The following NPHP4 variants were observed in gnomAD, a reference collection of about 807,000 sequenced individuals.
The protein encoded by NPHP4 is nephrocystin 4, also known as nephrocystin-4.
Under a neutral mutation model 155.8 loss-of-function variants are expected in NPHP4, and 151 were observed. That is an observed-to-expected ratio of 0.97 (90% CI 0.85 to 1.11). The LOEUF is 1.11. NPHP4 is among the 50% of genes least tolerant of loss of function. NPHP4 has a pLI of 0.00. For missense variants in NPHP4, 1,956 were observed against 1,925.7 expected, an observed-to-expected ratio of 1.02 and a Z score of -0.29; for synonymous variants, 845 against 816.8, an observed-to-expected ratio of 1.03 and a Z score of -0.59.
intron 5 of NPHP4, among the ~76,000 whole-genome samples, chr1:5,963,193 G>A (rs1244477717): frequency 6.6e-6 from 1 of 152,240 alleles, no homozygotes; most frequent in Non-Finnish European, 1.5e-5. Context: ...CCAGGAGTTT[G>A]AGACCAGCCT....
intron 11 of NPHP4, among the ~76,000 whole-genome samples, chr1:5,909,554 G>A (rs1645076151): frequency 6.6e-6 from 1 of 152,164 alleles, no homozygotes; most frequent in Non-Finnish European, 1.5e-5. Context: ...TCCCTGCCCG[G>A]AAGAGCTGGG....
chr1:5,966,504 A>T (rs1343478662), intron 5 of NPHP4, among the ~76,000 whole-genome samples: 1 of 152,100 alleles, frequency 6.6e-6, no homozygotes, highest in Non-Finnish European at 1.5e-5. Context: ...TGCCTCAGCC[A>T]CCAAAGTGCT....
At chr1:5,868,158 G>A (rs763346808) in intron 23 of NPHP4, 11 of 586,502 alleles carry the variant, frequency 1.9e-5, no homozygotes, top group Non-Finnish European at 3.5e-5. Context: ...TATTCCTCGC[G>A]AGTACAGCAC....
At chr1:5,878,516 A>T (rs943108939) in intron 19 of NPHP4, among the ~76,000 whole-genome samples, 2 of 152,220 alleles carry the variant, frequency 1.3e-5, no homozygotes, top group Non-Finnish European at 2.9e-5. Flanking sequence ...ACCAGAAAGA[A>T]AGTTACAGAG....
chr1:5,869,243 A>ATG lies in NPHP4; in HGVS notation c.3316-1348_3316-1347insCA, dbSNP rs1553154613. Among the ~76,000 whole-genome samples, 805 of 137,798 alleles carry ATG rather than the reference A, an allele frequency of 5.8e-3. 10 individuals are homozygous for ATG. The highest frequency in any genetic ancestry group is 0.019 in the African/African-American group (741 of 39,834). 90.4% of individuals were successfully genotyped at this position (137,798 alleles called of 152,430 possible). A position where few individuals can be genotyped will look rare whatever the true frequency, so the allele number is the denominator to read the frequency against. ...CACATCCACCCACATGCACACACAC[A>ATG]CACACACACATGCACACCCACATGC... is the stretch of plus-strand genomic sequence containing the variant. On this transcript the variant is annotated intron_variant, in intron 23 of 29. Transcript: ENST00000378156.
At chr1:5,912,979 C>T (rs1395197188) in intron 11 of NPHP4, among the ~76,000 whole-genome samples, 8 of 152,090 alleles carry the variant, frequency 5.3e-5, no homozygotes, top group African/African-American at 1.4e-4. Flanking sequence ...GGTGAAGCCC[C>T]GTCTCTACTA....
At chr1:5,977,340 G>A (rs887603764) in intron 3 of NPHP4, among the ~76,000 whole-genome samples, 1 of 152,058 alleles carries the variant, frequency 6.6e-6, no homozygotes, top group Admixed American at 6.6e-5. Flanking sequence ...TCTGCTTGAA[G>A]CAGCCTCGTC....
chr1:5,962,385 CCACT>C (rs1388143307), intron 5 of NPHP4, among the ~76,000 whole-genome samples: 2 of 152,048 alleles, frequency 1.3e-5, no homozygotes, highest in South Asian at 2.1e-4. Flanking sequence ...TCTCTCCCAC[CCACT>C]AATTCCCTCA....
intron 22 of NPHP4, 146 bp from the exon 23 acceptor site, chr1:5,873,481 G>T: frequency 1.5e-6 from 1 of 676,358 alleles, no homozygotes. Context: ...TCACCAACCG[G>T]CCTCACTGTG....
At position 5,986,157 on chromosome 1, in the gene NPHP4, G is replaced by A. The variant is rs370210428; in HGVS notation, c.133C>T (p.Gln45Ter). ...LKWLDGPVIR[Q>*]GVLEVLSEVE... ...TTGCTAACAGCACATTTTGTTACCT[G>A]CCTAATTACCGGTCCGTCCAGCCAC... Residue 45 changes from glutamine (Q) to a stop codon, truncating the protein, a stop_gained and splice_region_variant, in exon 2 of 30, where the codon CAG becomes TAG. Coordinates refer to ENST00000378156, the MANE Select transcript of NPHP4 (RefSeq NM_015102.5). LOFTEE classifies it high-confidence loss of function. 8.9e-5 allele frequency: 144 copies of A among 1,613,652 alleles called. No individual in the cohort carries two copies. The highest frequency in any genetic ancestry group is 1.2e-4 in the Non-Finnish European group (141 of 1,179,834).
intron 11 of NPHP4, among the ~76,000 whole-genome samples, chr1:5,922,814 T>C (rs1645810271): frequency 6.6e-6 from 1 of 150,626 alleles, no homozygotes; most frequent in African/African-American, 2.5e-5. Flanking sequence ...CAGTCCTGGC[T>C]TAGCCGGGCA....
At chr1:5,977,045 A>G (rs538101552) in intron 3 of NPHP4, among the ~76,000 whole-genome samples, 1 of 152,082 alleles carries the variant, frequency 6.6e-6, no homozygotes, top group Non-Finnish European at 1.5e-5. Flanking sequence ...AAGACAGCTG[A>G]GACCCTCTCA....
chr1:5,866,269 T>G (rs2100431835), intron 26 of NPHP4, 104 bp downstream of exon 26: 1 of 798,130 alleles, frequency 1.3e-6, no homozygotes, highest in Non-Finnish European at 2.2e-6. Flanking sequence ...GCTCCCCCAA[T>G]TTTAGGAAGG....
chr1:5,899,461 G>C (rs1644563497), intron 16 of NPHP4, among the ~76,000 whole-genome samples: 1 of 152,256 alleles, frequency 6.6e-6, no homozygotes, highest in Non-Finnish European at 1.5e-5. Context: ...CTGATGTACA[G>C]TGGCAGAATT....
rs769212832 is a variant in NPHP4, at chr1:5,867,059, G to T, written c.3529C>A (p.Pro1177Thr). The part of the protein sequence containing the change: ...DPPVHVRCSD[P>T]NVICETQNVG... ...TTCTGGGTCTCACAGATGACGTTCGGGTCGCTGCAGCGAACATGGACTGGG... is the reference window on the plus strand; with the variant it reads ...TTCTGGGTCTCACAGATGACGTTCGTGTCGCTGCAGCGAACATGGACTGGG... Residue 1177 changes from proline (P) to threonine (T), a missense_variant, in exon 25 of 30, where the codon CCG becomes ACG. Coordinates refer to ENST00000378156, the MANE Select transcript of NPHP4 (RefSeq NM_015102.5). This position sits in a 1 kb window ranked among gnomAD's most constrained non-coding sequence, Gnocchi z 4.1. The T allele has an allele frequency of 6.2e-7, 1 of 1,613,116 alleles. No homozygotes were observed. The highest frequency in any genetic ancestry group is 1.1e-5 in the South Asian group (1 of 90,780).
Position 5,969,166 on chromosome 1 carries a change from T to C in NPHP4, c.373A>G (p.Thr125Ala). 6.4e-7 allele frequency: 1 copy of C among 1,560,584 alleles called. No homozygotes were observed. Among genetic ancestry groups the C allele is most frequent in the Non-Finnish European group, 8.7e-7 (1 of 1,151,738 alleles). The change falls in exon 4 of 30, where the codon ACA becomes GCA. Residue 125 changes from threonine to alanine, a missense_variant. Physicochemically the swap from Thr to Ala is moderately conservative, Grantham distance 58. Transcript: ENST00000378156. ...AGAATTCCAAACCCACAGGACAATG[T>C]CTGGAGGCTCCCATCCCGTTTCTTG... ...EGKKRDGSLQ[T>A]LSCGFGILRI...
chr1:5,980,666 G>T (rs1044390888), intron 2 of NPHP4, among the ~76,000 whole-genome samples: 1 of 152,104 alleles, frequency 6.6e-6, no homozygotes, highest in Non-Finnish European at 1.5e-5. Context: ...AGGAGTGGCT[G>T]CGTGGTCATG....
chr1:5,951,930 C>T (rs1323617681), intron 7 of NPHP4, among the ~76,000 whole-genome samples: 1 of 152,188 alleles, frequency 6.6e-6, no homozygotes. Flanking sequence ...GCGCATGCTG[C>T]GTACTAGGCA....
In NPHP4 at chr1:5,867,176, C is replaced by T; in HGVS notation, c.3473-61G>A. 8 of 1,288,728 alleles carry T rather than the reference C, an allele frequency of 6.2e-6. No individual in the cohort carries two copies. Among genetic ancestry groups the T allele is most frequent in the East Asian group, 2.5e-5 (1 of 40,316 alleles). 79.8% of individuals were successfully genotyped at this position (1,288,728 alleles called of 1,614,324 possible). A position where few individuals can be genotyped will look rare whatever the true frequency, so the allele number is the denominator to read the frequency against. On this transcript the variant is annotated intron_variant, in intron 24 of 29. Coordinates refer to ENST00000378156, the MANE Select transcript of NPHP4 (RefSeq NM_015102.5). This position sits in a 1 kb window ranked among gnomAD's most constrained non-coding sequence, Gnocchi z 4.1. The stretch of plus-strand genomic sequence containing the variant: ...ACAGCCCCAGCCTGTGTGGAGAAGG[C>T]CCCACACATTACACACTATAGGACA...
Sources: allele counts gnomAD v4.1 joint callset (sites outside exome capture counted in the v4.1 genomes callset), GRCh38; gene constraint gnomAD v4.1.1; non-coding constraint Gnocchi (gnomAD v3.1); transcripts MANE v1.5; gene names NCBI Gene and HGNC (gene_info 2026-07-23, HGNC 2026-07-21).